NAAA: variants seen among roughly 807,000 people sequenced by gnomAD.
The protein encoded by NAAA is N-acylethanolamine-hydrolyzing acid amidase.
Under a neutral mutation model 44.8 loss-of-function variants are expected in NAAA, and 39 were observed. That is an observed-to-expected ratio of 0.87 (90% CI 0.67 to 1.14). NAAA has a LOEUF of 1.14. Ranked by LOEUF, NAAA falls within the 50% of genes most tolerant of loss-of-function variation. NAAA has a pLI of 0.00. For missense variants in NAAA, 460 were observed against 467.8 expected, an observed-to-expected ratio of 0.98 and a Z score of 0.15; for synonymous variants, 178 against 191.3, an observed-to-expected ratio of 0.93 and a Z score of 0.58.
At chr4:75,919,612 T>G (rs1725957809) in intron 8 of NAAA, 11 of 483,754 alleles carry the variant, frequency 2.3e-5, no homozygotes, top group South Asian at 2.3e-4. Context: ...TGGAGTAGCT[T>G]GGACTACAGG....
intron 2 of NAAA, among the ~76,000 whole-genome samples, chr4:75,938,096 T>G (rs977548414): frequency 2.0e-5 from 3 of 152,168 alleles, no homozygotes; most frequent in African/African-American, 7.2e-5. Context: ...AGGCTTGGTT[T>G]CCACATCACA....
At chr4:75,918,615 A>G in intron 9 of NAAA, 146 bp downstream of exon 9, 2 of 724,900 alleles carry the variant, frequency 2.8e-6, no homozygotes, top group Non-Finnish European at 4.7e-6. Context: ...TTTTGCTCGC[A>G]GCTGTACCCA....
chr4:75,917,292 A>G (rs1725716930), intron 9 of NAAA, among the ~76,000 whole-genome samples: 1 of 152,154 alleles, frequency 6.6e-6, no homozygotes, highest in Non-Finnish European at 1.5e-5. Context: ...TAAGCCTGAA[A>G]TCAGCCATGT....
In NAAA at chr4:75,918,767, T is replaced by C. The variant is rs1181865743; in HGVS notation, c.992A>G (p.Tyr331Cys). ...TGTTTAACAAGCCACTTACTTGTTA[T>C]AAACTGGAACCACCGACAAAATCTG... ...LFQILSVVPV[Y>C]NNFTIYTTVM... The change falls in exon 9 of 11, where the codon TAT (tyrosine) becomes TGT (cysteine). Residue 331 changes from tyrosine (Y) to cysteine (C), a missense_variant. By Grantham distance (194) the Tyr-to-Cys change is radical. Coordinates refer to ENST00000286733, the MANE Select transcript of NAAA (RefSeq NM_014435.4). 1 of 1,613,162 alleles carries C rather than the reference T, an allele frequency of 6.2e-7. No individual in the cohort carries two copies. The highest frequency in any genetic ancestry group is 1.3e-5 in the African/African-American group (1 of 74,848).
Position 75,919,900 on chromosome 4 carries a change from A to G in NAAA, c.969+9T>C, listed in dbSNP as rs540853669. 1 of 1,609,966 alleles carries G rather than the reference A, an allele frequency of 6.2e-7. No homozygotes were observed. The highest frequency in any genetic ancestry group is 1.3e-5 in the African/African-American group (1 of 74,942). On this transcript the variant is annotated intron_variant, in intron 8 of 10. Transcript: ENST00000286733. ...TCCTAGGTATGCAGGACACTGTGACACAAGTTACCTGGAAAAGTGCCTCCA... is the reference window on the plus strand; with the variant it reads ...TCCTAGGTATGCAGGACACTGTGACGCAAGTTACCTGGAAAAGTGCCTCCA...
At chr4:75,937,613 G>C (rs1443713079) in intron 2 of NAAA, among the ~76,000 whole-genome samples, 1 of 152,198 alleles carries the variant, frequency 6.6e-6, no homozygotes, top group Non-Finnish European at 1.5e-5. Flanking sequence ...AGCCTCCTGA[G>C]TATCTGGGAC....
At chr4:75,922,737 C>A (rs1280393431) in intron 5 of NAAA, among the ~76,000 whole-genome samples, 1 of 152,194 alleles carries the variant, frequency 6.6e-6, no homozygotes, top group Non-Finnish European at 1.5e-5. Context: ...TGTGAGTTGA[C>A]TTTTCAGTGA....
rs574350582 is a variant in NAAA at position 75,940,570 on chromosome 4, T to C, written c.206+174A>G. Among the ~76,000 whole-genome samples, 11 of 152,356 alleles carry C rather than the reference T, an allele frequency of 7.2e-5. No individual in the cohort carries two copies. In the East Asian group the frequency reaches 1.9e-3, roughly 27 times the overall value. ...TGACACCGAACTTGAAAGCCGAACC[T>C]GCCGCGCTGGATTCTCCCCAACCCG... On this transcript the variant is annotated intron_variant, in intron 1 of 10. Transcript: ENST00000286733.
chr4:75,939,182 C>T (rs906701067), intron 2 of NAAA, among the ~76,000 whole-genome samples: 4 of 152,002 alleles, frequency 2.6e-5, no homozygotes, highest in Non-Finnish European at 4.4e-5. Context: ...GCCCACTTCC[C>T]GGTCCAAACA....
chr4:75,911,212 C>A (rs1258452654), downstream of NAAA: 2 of 448,086 alleles, frequency 4.5e-6, no homozygotes, highest in Admixed American at 4.8e-5. Flanking sequence ...TCAGTTAAGG[C>A]AGGAACTGGC....
At chr4:75,923,930 T>C (rs567570088) in intron 5 of NAAA, among the ~76,000 whole-genome samples, 1 of 152,226 alleles carries the variant, frequency 6.6e-6, no homozygotes, top group South Asian at 2.1e-4. Context: ...AATAAAAGAT[T>C]AGGGTGGGGG....
rs17001192 is a variant in NAAA, at chr4:75,913,815, T to C, written c.*560A>G. 0.06 allele frequency: 59,171 copies of C among 984,284 alleles called. 2,621 individuals carry two copies. Among genetic ancestry groups the C allele is most frequent in the African/African-American group, 0.22 (12,447 of 57,200 alleles). The allele number at this position is 984,284 out of a possible 1,614,324, so 61.0% of individuals were successfully genotyped here. Reference sequence around the variant, plus strand: ...AGAAGGAGGGCCATAGGTTTTTCAATAAAACGTTAGAAACATTATAAAAAA... The same window carrying C: ...AGAAGGAGGGCCATAGGTTTTTCAACAAAACGTTAGAAACATTATAAAAAA... On this transcript the variant is annotated 3_prime_UTR_variant, in exon 11 of 11. Transcript: ENST00000286733.
At chr4:75,935,639 T>C (rs187958601) in intron 3 of NAAA, 2 of 163,632 alleles carry the variant, frequency 1.2e-5, no homozygotes, top group Non-Finnish European at 1.3e-5. Flanking sequence ...TGAGCCTCCA[T>C]GAGCTGTAGT....
Position 75,931,229 on chromosome 4 carries a change from A to C in NAAA, c.574T>G (p.Ser192Ala). The C allele has an allele frequency of 6.2e-7, 1 of 1,612,570 alleles. No homozygotes were observed. Among genetic ancestry groups the C allele is most frequent in the East Asian group, 2.2e-5 (1 of 44,850 alleles). The change falls in exon 4 of 11, where the codon TCT (serine) becomes GCT (alanine). Residue 192 changes from serine to alanine, a missense_variant. Transcript: ENST00000286733. ...TTTTGATTACCTCGTTCATCACCAG[A>C]AACTGTAAACTTGTGTGGGCTCTGG... ...TGQSPHKFTV[S>A]GDERDKGWWW... is the part of the protein sequence containing the mutation.
intron 4 of NAAA, among the ~76,000 whole-genome samples, chr4:75,929,216 C>T (rs1727015116): frequency 6.6e-6 from 1 of 152,186 alleles, no homozygotes; most frequent in Non-Finnish European, 1.5e-5. Flanking sequence ...CAGGTGTTAC[C>T]CACCAGGTGT....
chr4:75,911,802 A>C (rs1057277046), downstream of NAAA, among the ~76,000 whole-genome samples: 1 of 152,202 alleles, frequency 6.6e-6, no homozygotes, highest in Non-Finnish European at 1.5e-5. Flanking sequence ...CTACGCCTAC[A>C]TTTAGCAGAA....
At position 75,925,785 on chromosome 4, in the gene NAAA, T is replaced by C. The variant is rs267600262; in HGVS notation, c.616A>G (p.Ile206Val). 1.2e-6 allele frequency: 2 copies of C among 1,614,194 alleles called. No homozygotes were observed. The highest frequency in any genetic ancestry group is 1.3e-5 in the African/African-American group (1 of 75,054). ...RDKGWWWENA[I>V]AALFRRHIPV... The stretch of plus-strand genomic sequence containing the variant: ...ATGTGTCTCCGAAACAGGGCAGCGA[T>C]AGCATTCTCCCACCACCAGCCTTTA... The change falls in exon 5 of 11, where the codon ATC (isoleucine) becomes GTC (valine). Residue 206 changes from isoleucine (I) to valine (V), a missense_variant. Ile to Val is a conservative substitution (Grantham distance 29). Coordinates refer to ENST00000286733, the MANE Select transcript of NAAA (RefSeq NM_014435.4).
intron 9 of NAAA, chr4:75,917,223 GCTCCTACAGT>G: frequency 8.6e-6 from 3 of 349,824 alleles, no homozygotes; most frequent in Non-Finnish European, 1.2e-5. Context: ...ATTGGAGCTA[GCTCCTACAGT>G]CTGGTGAGGG....
rs1351859674 is a variant in NAAA, at chr4:75,914,286, G to C, written c.*89C>G. The C allele has an allele frequency of 3.4e-5, 33 of 984,908 alleles. No homozygotes were observed. The highest frequency in any genetic ancestry group is 3.7e-5 in the Non-Finnish European group (31 of 829,644). 61.0% of individuals were successfully genotyped at this position (984,908 alleles called of 1,614,324 possible). On this transcript the variant is annotated 3_prime_UTR_variant, in exon 11 of 11. Coordinates refer to ENST00000286733, the MANE Select transcript of NAAA (RefSeq NM_014435.4). The stretch of plus-strand genomic sequence containing the variant: ...TAACATAATACAATACTTTCACTTT[G>C]TCTTATTTTTTAAGGTGCAGCTCTT...
Sources: allele counts gnomAD v4.1 joint callset (sites outside exome capture counted in the v4.1 genomes callset), GRCh38; gene constraint gnomAD v4.1.1; transcripts MANE v1.5; gene names NCBI Gene and HGNC (gene_info 2026-07-23, HGNC 2026-07-21).